Variants in PPP6R3 observed in about 807,000 individuals in gnomAD.
PPP6R3 encodes the protein serine/threonine-protein phosphatase 6 regulatory subunit 3.
In PPP6R3, 38 loss-of-function variants were observed where a neutral mutation model predicts 110.7. The observed-to-expected ratio is 0.34, with a 90% CI of 0.26 to 0.45. The LOEUF (loss-of-function observed/expected upper bound fraction) is 0.45, where lower values mean the gene tolerates loss of function less well. PPP6R3 is among the 20% of genes least tolerant of loss of function. The pLI is 1.00. For synonymous variants in PPP6R3, 369 were observed against 373.5 expected (o/e 0.99, Z 0.14); for missense variants, 870 against 1,062.4 (o/e 0.82, Z 2.52).
At chr11:68,592,586 G>T (rs1350853137) in intron 18 of PPP6R3, among the ~76,000 whole-genome samples, 1 of 152,088 alleles carries the variant, frequency 6.6e-6, no homozygotes, top group African/African-American at 2.4e-5. Context: ...AGCTGTGTTT[G>T]TCTCTACAGT....
chr11:68,597,318 G>T (rs1593892888), intron 19 of PPP6R3, among the ~76,000 whole-genome samples: 1 of 152,194 alleles, frequency 6.6e-6, no homozygotes, highest in Admixed American at 6.5e-5. Flanking sequence ...AGAGAAAACA[G>T]CTAATCCAAA....
intron 2 of PPP6R3, among the ~76,000 whole-genome samples, chr11:68,525,952 C>T (rs941364405): frequency 2.0e-5 from 3 of 152,330 alleles, no homozygotes; most frequent in African/African-American, 4.8e-5. Context: ...GCCTTCACCA[C>T]GTTAGTATAG....
intron 2 of PPP6R3, among the ~76,000 whole-genome samples, chr11:68,529,136 A>G (rs1412278803): frequency 6.6e-6 from 1 of 152,172 alleles, no homozygotes; most frequent in African/African-American, 2.4e-5. Flanking sequence ...TGGCCTAGGC[A>G]TTGTTCCTTC....
intron 1 of PPP6R3, among the ~76,000 whole-genome samples, chr11:68,509,252 G>C (rs2099095179): frequency 6.6e-6 from 1 of 152,190 alleles, no homozygotes; most frequent in Non-Finnish European, 1.5e-5. Context: ...ATCTGTTTGT[G>C]TTTAACTTTC....
rs1426092510 is a variant in PPP6R3, at chr11:68,613,334, A to ATGTT, written c.*219_*222dup. ...TGACAAATACCAAGAATTTTTGCGT[A>ATGTT]TGTTTATATTGTATTGTTCTAAATA... On this transcript the variant is annotated 3_prime_UTR_variant, in exon 24 of 24. Coordinates refer to ENST00000393800, the MANE Select transcript of PPP6R3 (RefSeq NM_001164161.2). The ATGTT allele has an allele frequency of 1.8e-5, 24 of 1,338,386 alleles. 1 individual carries two copies. In the East Asian group the frequency reaches 3.0e-4, roughly 16 times the overall value. The allele number at this position is 1,338,386 out of a possible 1,614,324, so 82.9% of individuals were successfully genotyped here. A position where few individuals can be genotyped will look rare whatever the true frequency, so the allele number is the denominator to read the frequency against.
rs148753905 is a variant in PPP6R3 at position 68,520,864 on chromosome 11, C to G, written c.-7+1213C>G. Among the ~76,000 whole-genome samples, 453 of 152,166 alleles carry G rather than the reference C, an allele frequency of 3.0e-3. 3 individuals carry two copies. Among genetic ancestry groups the G allele is most frequent in the Middle Eastern group, 0.01 (3 of 294 alleles). ...TCGGCTGACTGCAATCTCCACCTCCCGGGTTCAAGCGATTATCCGGTCTTG... is the reference window on the plus strand; with the variant it reads ...TCGGCTGACTGCAATCTCCACCTCCGGGGTTCAAGCGATTATCCGGTCTTG... On this transcript the variant is annotated intron_variant, in intron 2 of 23. Transcript: ENST00000393800.
chr11:68,571,237 C>A, intron 12 of PPP6R3, 133 bp downstream of exon 12: 1 of 1,217,144 alleles, frequency 8.2e-7, no homozygotes, highest in Non-Finnish European at 1.1e-6. Flanking sequence ...AAACTTTTCC[C>A]CAGATTATTT....
At chr11:68,531,307 T>TTATTTA in intron 2 of PPP6R3, among the ~76,000 whole-genome samples, 1 of 137,012 alleles carries the variant, frequency 7.3e-6, no homozygotes, top group African/African-American at 2.7e-5. Context: ...TGAGACTGTG[T>TTATTTA]TTTATTTATT....
chr11:68,569,996 A>C lies in PPP6R3; in HGVS notation c.1278+99A>C. On this transcript the variant is annotated intron_variant, in intron 11 of 23. Coordinates refer to ENST00000393800, the MANE Select transcript of PPP6R3 (RefSeq NM_001164161.2). ...ATTGAGGTTTAAAGGGCTTGAGGTT[A>C]GATTTCAGAGTCTAAATATTTGACA... The C allele has an allele frequency of 3.7e-6, 4 of 1,086,298 alleles. 1 individual carries two copies. Among genetic ancestry groups the C allele is most frequent in the Middle Eastern group, 2.1e-4 (1 of 4,694 alleles). The allele number at this position is 1,086,298 out of a possible 1,614,324, so 67.3% of individuals were successfully genotyped here.
chr11:68,564,314 A>G lies in PPP6R3; in HGVS notation c.857A>G (p.His286Arg), dbSNP rs2099446844. The G allele has an allele frequency of 1.9e-6, 3 of 1,611,570 alleles. No individual in the cohort carries two copies. Among genetic ancestry groups the G allele is most frequent in the Non-Finnish European group, 2.5e-6 (3 of 1,177,898 alleles). Residue 286 changes from histidine (H) to arginine (R), a missense_variant, in exon 9 of 24, where the codon CAT (histidine) becomes CGT (arginine). By Grantham distance (29) the His-to-Arg change is conservative. Transcript: ENST00000393800. ...LETRRPTFEG[H>R]IEICPPGMSH... ...TGCTTTGTTTCAAGATTTGAAGGCCATATAGAGATCTGCCCACCAGGCATG... is the reference window on the plus strand; with the variant it reads ...TGCTTTGTTTCAAGATTTGAAGGCCGTATAGAGATCTGCCCACCAGGCATG...
At chr11:68,489,704 CTG>C (rs2098971886) in intron 1 of PPP6R3, among the ~76,000 whole-genome samples, 1 of 150,000 alleles carries the variant, frequency 6.7e-6, no homozygotes, top group Non-Finnish European at 1.5e-5. Context: ...TAATTAAAGT[CTG>C]TGCTTTTTTT....
At chr11:68,598,881 C>T (rs1166878826) in intron 19 of PPP6R3, among the ~76,000 whole-genome samples, 2 of 152,110 alleles carry the variant, frequency 1.3e-5, no homozygotes, top group Non-Finnish European at 2.9e-5. Context: ...AGCATTTATT[C>T]CTTCTTGGTG....
intron 9 of PPP6R3, among the ~76,000 whole-genome samples, chr11:68,565,962 G>C (rs1465418493): frequency 6.6e-6 from 1 of 152,164 alleles, no homozygotes; most frequent in African/African-American, 2.4e-5. Context: ...TACTGATGTG[G>C]ATGGGGAGGG....
intron 1 of PPP6R3, among the ~76,000 whole-genome samples, chr11:68,499,455 A>T (rs2099036588): frequency 1.3e-5 from 2 of 152,124 alleles, no homozygotes; most frequent in Admixed American, 1.3e-4. Flanking sequence ...TCCCACTGAG[A>T]GAGTGATTCA....
chr11:68,557,949 T>G (rs2099405756), intron 7 of PPP6R3, among the ~76,000 whole-genome samples: 1 of 152,200 alleles, frequency 6.6e-6, no homozygotes, highest in Non-Finnish European at 1.5e-5. Flanking sequence ...ATGAGAGAAG[T>G]GTAATGGAAA....
chr11:68,605,091 G>A (rs113405988), intron 22 of PPP6R3, among the ~76,000 whole-genome samples: 1,563 of 152,324 alleles, frequency 0.01, 12 homozygotes, highest in African/African-American at 0.012. Context: ...TGTAATCCCA[G>A]CACTTTGGGA....
chr11:68,494,833 A>G (rs947081564), intron 1 of PPP6R3, among the ~76,000 whole-genome samples: 1 of 152,150 alleles, frequency 6.6e-6, no homozygotes, highest in African/African-American at 2.4e-5. Context: ...ATTATTGAGA[A>G]CTGTATTTAC....
intron 1 of PPP6R3, among the ~76,000 whole-genome samples, chr11:68,461,765 A>G (rs1034909535): frequency 1.3e-5 from 2 of 152,044 alleles, no homozygotes; most frequent in African/African-American, 4.8e-5. Context: ...GGTGCTTGAC[A>G]GGCGTTCCCT....
intron 2 of PPP6R3, among the ~76,000 whole-genome samples, chr11:68,536,967 TG>T (rs1344403192): frequency 6.6e-6 from 1 of 152,240 alleles, no homozygotes; most frequent in Admixed American, 6.5e-5. Context: ...TATTTCCATT[TG>T]TAACAAATAA....
Sources: allele counts gnomAD v4.1 joint callset (sites outside exome capture counted in the v4.1 genomes callset), GRCh38; gene constraint gnomAD v4.1.1; transcripts MANE v1.5; gene names NCBI Gene and HGNC (gene_info 2026-07-23, HGNC 2026-07-21).